Variants in RTL9 observed in about 807,000 individuals in gnomAD.
The protein encoded by RTL9 is retrotransposon Gag like 9, also known as retrotransposon Gag-like protein 9.
Under a neutral mutation model 44.7 loss-of-function variants are expected in RTL9, and 19 were observed. The ratio of observed to expected loss-of-function variants is 0.42; its 90% CI spans 0.30 to 0.62. The LOEUF is 0.62. Among genes scored for constraint, RTL9 ranks in the 20% least tolerant of loss-of-function variants. The probability of loss-of-function intolerance (pLI) is 0.16; values close to 1 mark genes in which losing one functional copy is unlikely to be tolerated. For synonymous variants in RTL9, 407 were observed against 398.9 expected (o/e 1.02, Z -0.24); for missense variants, 1,105 against 1,080.6 (o/e 1.02, Z -0.32).
chrX:110,398,904 G>A (rs2068545655), intron 1 of RTL9, among the ~76,000 whole-genome samples: 1 of 112,129 alleles, frequency 8.9e-6, no homozygotes, highest in Non-Finnish European at 1.9e-5. Context: ...TTGGAATTCC[G>A]TGCTGAGAAT....
intron 1 of RTL9, among the ~76,000 whole-genome samples, chrX:110,384,366 C>T (rs1156309604): frequency 9.0e-6 from 1 of 110,892 alleles, no homozygotes; most frequent in Non-Finnish European, 1.9e-5. Context: ...TCTTCCTGAG[C>T]CTCAGTTTCC....
rs145419568 is a variant in RTL9 at position 110,401,492 on chromosome X, A to G, written c.-168+42576A>G. Reference sequence around the variant, plus strand: ...TAACCTAACCTTTTCCAGAGCACATATTATATTTATTGGTGCCTTCCCAGA... The same window carrying G: ...TAACCTAACCTTTTCCAGAGCACATGTTATATTTATTGGTGCCTTCCCAGA... On this transcript the variant is annotated intron_variant, in intron 1 of 2. Transcript: ENST00000520821. 5.6e-3 allele frequency among the ~76,000 whole-genome samples: 626 copies of G among 111,294 alleles called. 5 individuals carry two copies. The highest frequency in any genetic ancestry group is 0.02 in the African/African-American group (607 of 30,602).
At chrX:110,415,008 G>A (rs368157676), upstream of RTL9, among the ~76,000 whole-genome samples, 195 of 111,515 alleles carry the variant, frequency 1.7e-3, 1 homozygote, top group African/African-American at 6.1e-3. Flanking sequence ...ACCCTTTCCT[G>A]CCCACTTTAA....
intron 1 of RTL9, among the ~76,000 whole-genome samples, chrX:110,404,631 C>G (rs1278256056): frequency 8.9e-6 from 1 of 111,790 alleles, no homozygotes; most frequent in Non-Finnish European, 1.9e-5. Context: ...GTACCTCAGC[C>G]TATTATTTTT....
At chrX:110,450,974 A>G in exon 1 of RTL9, 1 of 1,211,823 alleles carries the variant, frequency 8.3e-7, no homozygotes, top group African/African-American at 1.7e-5. Context: ...TGCTAATGCC[A>G]GCCTTAGATT....
intron 1 of RTL9, among the ~76,000 whole-genome samples, chrX:110,430,228 T>C (rs1221064893): frequency 1.8e-5 from 2 of 112,907 alleles, no homozygotes; most frequent in Non-Finnish European, 3.7e-5. Context: ...TGTGGTACTT[T>C]ACCGCTTCTT....
At chrX:110,383,221 G>A (rs1221992814) in intron 1 of RTL9, among the ~76,000 whole-genome samples, 1 of 110,897 alleles carries the variant, frequency 9.0e-6, no homozygotes. Context: ...AATATATGAG[G>A]GTCTTCTTCC....
At chrX:110,452,739 T>C in exon 1 of RTL9, 1 of 1,209,416 alleles carries the variant, frequency 8.3e-7, no homozygotes, top group South Asian at 1.8e-5. Context: ...AATGCCTGCC[T>C]CACTAATGAG....
rs767809212 is a variant in RTL9 at position 110,453,226 on chromosome X, T to G, written c.2609T>G (p.Val870Gly). 2.5e-6 allele frequency: 3 copies of G among 1,205,615 alleles called. No individual in the cohort carries two copies. In the African/African-American group the frequency reaches 5.4e-5, roughly 22 times the overall value. ...CTGATGAGAGCCCCAGACTCTAGAGTGACATCCACATCACAAATGATGCCC... is the reference window on the plus strand; with the variant it reads ...CTGATGAGAGCCCCAGACTCTAGAGGGACATCCACATCACAAATGATGCCC... Residue 870 changes from valine to glycine, a missense_variant, in exon 1 of 2, where the codon GTG (valine) becomes GGG (glycine). Transcript: ENST00000540313.
At position 110,419,429 on chromosome X, in the gene RTL9, C is replaced by G. The variant is rs1318147697; in HGVS notation, c.-168+294C>G. On this transcript the variant is annotated intron_variant, in intron 1 of 3. Transcript: ENST00000465301. ...CACCCACAGTTAGATGCCTCCTGTT[C>G]CTCTCTTACATTTCTTTTATTAGCA... Among the ~76,000 whole-genome samples the G allele has an allele frequency of 6.2e-5, 7 of 112,533 alleles. No individual in the cohort carries two copies. The Admixed American group carries it at 6.5e-4, about 11-fold the overall frequency.
At chrX:110,416,083 T>C (rs1159989866), upstream of RTL9, among the ~76,000 whole-genome samples, 1 of 110,567 alleles carries the variant, frequency 9.0e-6, no homozygotes, top group African/African-American at 3.3e-5. Flanking sequence ...CACTCTGCCG[T>C]GGCAAGGCAC....
At chrX:110,453,738 C>T in exon 1 of RTL9, 1 of 1,210,724 alleles carries the variant, frequency 8.3e-7, no homozygotes, top group Non-Finnish European at 1.1e-6. Context: ...TGGATCGATG[C>T]CCATGCCACT....
chrX:110,376,332 G>C (rs1213404414), intron 1 of RTL9, among the ~76,000 whole-genome samples: 1 of 110,765 alleles, frequency 9.0e-6, no homozygotes, highest in Admixed American at 9.6e-5. Flanking sequence ...GCTGGTCTTG[G>C]CTGGTAGTTT....
At chrX:110,441,268 G>T (rs182684310) in intron 1 of RTL9, among the ~76,000 whole-genome samples, 1 of 111,727 alleles carries the variant, frequency 9.0e-6, no homozygotes, top group Non-Finnish European at 1.9e-5. Context: ...GCTATAAAGG[G>T]CAGGGTTTGG....
At position 110,410,603 on chromosome X, in the gene RTL9, G is replaced by A. The variant is rs775327050; in HGVS notation, c.-167-34550G>A. On this transcript the variant is annotated intron_variant, in intron 1 of 2. Coordinates refer to the RTL9 transcript ENST00000520821. Reference sequence around the variant, plus strand: ...ACTCCCACTTTACTTTTCTTTTTCTGTGGAGATGCTCTCCCAGATGCTTGT... The same window carrying A: ...ACTCCCACTTTACTTTTCTTTTTCTATGGAGATGCTCTCCCAGATGCTTGT... Among the ~76,000 whole-genome samples, 3 of 111,902 alleles carry A rather than the reference G, an allele frequency of 2.7e-5. No individual in the cohort carries two copies. The East Asian group carries it at 8.4e-4, about 31-fold the overall frequency.
chrX:110,407,365 A>C (rs143137393), intron 1 of RTL9, among the ~76,000 whole-genome samples: 1,354 of 112,173 alleles, frequency 0.012, 15 homozygotes, highest in African/African-American at 0.042. Flanking sequence ...CTCACAGGAA[A>C]CTCTGCCTTG....
At chrX:110,452,929 T>G (rs1368356836) in exon 1 of RTL9, 2 of 1,211,624 alleles carry the variant, frequency 1.7e-6, no homozygotes, top group South Asian at 3.5e-5. Context: ...TCCACACCAC[T>G]AATGAGAACC....
chrX:110,406,064 C>T (rs775671263), intron 1 of RTL9, among the ~76,000 whole-genome samples: 69 of 110,556 alleles, frequency 6.2e-4, no homozygotes, highest in Non-Finnish European at 9.3e-4. Context: ...CCTCCACCCC[C>T]GACTCCCCAA....
In RTL9 at chrX:110,450,862, C is replaced by G. The variant is rs185374914; in HGVS notation, c.245C>G (p.Pro82Arg). Residue 82 changes from proline to arginine, a missense_variant, in exon 1 of 2, where the codon CCA (proline) becomes CGA (arginine). Physicochemically the swap from Pro to Arg is moderately radical, Grantham distance 103 (BLOSUM62 -2). Transcript: ENST00000540313. ...ATGTCTGCACCTCTAATGGGAGTACCAAACTCTGGAGCATTGTCCCCACCC... is the reference window on the plus strand; with the variant it reads ...ATGTCTGCACCTCTAATGGGAGTACGAAACTCTGGAGCATTGTCCCCACCC... 16 of 1,210,008 alleles carry G rather than the reference C, an allele frequency of 1.3e-5. No homozygotes were observed. The East Asian group carries it at 4.7e-4, about 36-fold the overall frequency.
Sources: gnomAD v4.1 joint callset for allele counts (sites outside exome capture counted in the v4.1 genomes callset) on GRCh38, gnomAD v4.1.1 for gene constraint, MANE v1.5 for transcripts, NCBI Gene and HGNC (gene_info 2026-07-23, HGNC 2026-07-21) for gene names.